The following HS6ST3 variants were observed in gnomAD, a reference collection of about 807,000 sequenced individuals.
HS6ST3 encodes the protein heparan sulfate 6-O-sulfotransferase 3.
In HS6ST3, 12 loss-of-function variants were observed where a neutral mutation model predicts 36.7. That is an observed-to-expected ratio of 0.33 (90% confidence interval 0.21 to 0.53). The LOEUF (loss-of-function observed/expected upper bound fraction) is 0.53. Among genes scored for constraint, HS6ST3 ranks in the 20% least tolerant of loss-of-function variants. The pLI is 0.95. For synonymous variants in HS6ST3, 240 were observed against 257.5 expected, an observed-to-expected ratio of 0.93 and a Z score of 0.65; for missense variants, 584 against 640.9, an observed-to-expected ratio of 0.91 and a Z score of 0.96.
chr13:96,166,567 C>CTTTTTTTTTTTTTTTTT (rs1205779954), intron 1 of HS6ST3, among the ~76,000 whole-genome samples: 1 of 143,390 alleles, frequency 7.0e-6, no homozygotes, highest in African/African-American at 2.6e-5. Flanking sequence ...TTCTTTCTTT[C>CTTTTTTTTTTTTTTTTT]TTTCTTTCTT....
At chr13:96,727,525 T>C (rs1425887463) in intron 1 of HS6ST3, among the ~76,000 whole-genome samples, 1 of 152,180 alleles carries the variant, frequency 6.6e-6, no homozygotes, top group Non-Finnish European at 1.5e-5. Context: ...AAGCCAAAAG[T>C]GCTTATTGTA....
Position 96,090,185 on chromosome 13 carries a change from G to A in HS6ST3, c.-678G>A, listed in dbSNP as rs1267189703. Among the ~76,000 whole-genome samples, 2 of 151,942 alleles carry A rather than the reference G, an allele frequency of 1.3e-5. No homozygotes were observed. The highest frequency in any genetic ancestry group is 1.5e-5 in the Non-Finnish European group (1 of 67,874). ...GTGCCTGCGCCTGGGCGGACAGCCC[G>A]GAGCGGCAGTGCGACTCGCCGGGAG... On this transcript the variant is annotated 5_prime_UTR_variant, in exon 1 of 2. Coordinates refer to ENST00000376705, the MANE Select transcript of HS6ST3 (RefSeq NM_153456.4).
intron 1 of HS6ST3, among the ~76,000 whole-genome samples, chr13:96,773,542 G>T (rs1346027853): frequency 6.6e-6 from 1 of 152,202 alleles, no homozygotes; most frequent in Non-Finnish European, 1.5e-5. Context: ...TCCCCTCACA[G>T]TGTAAACAAG....
At chr13:96,829,225 T>A (rs1878716043) in intron 1 of HS6ST3, among the ~76,000 whole-genome samples, 1 of 152,188 alleles carries the variant, frequency 6.6e-6, no homozygotes, top group African/African-American at 2.4e-5. Flanking sequence ...CCTGTCCTGA[T>A]GTGATAACAT....
intron 1 of HS6ST3, among the ~76,000 whole-genome samples, chr13:96,102,175 A>G (rs185725724): frequency 6.6e-6 from 1 of 152,336 alleles, no homozygotes; most frequent in East Asian, 1.9e-4. Flanking sequence ...GGATATTTCT[A>G]TCTGTAATAT....
intron 1 of HS6ST3, among the ~76,000 whole-genome samples, chr13:96,389,855 G>A (rs989622528): frequency 2.6e-5 from 4 of 152,096 alleles, no homozygotes; most frequent in East Asian, 1.9e-4. Context: ...ATCCTAGGCC[G>A]TTGCTTTTTC....
intron 1 of HS6ST3, among the ~76,000 whole-genome samples, chr13:96,721,898 A>G (rs1384568275): frequency 1.3e-5 from 2 of 152,202 alleles, no homozygotes; most frequent in African/African-American, 4.8e-5. Context: ...TTGACAATCA[A>G]TGATTTAGGG....
intron 1 of HS6ST3, among the ~76,000 whole-genome samples, chr13:96,823,515 T>C (rs1878581763): frequency 6.6e-6 from 1 of 152,216 alleles, no homozygotes; most frequent in Admixed American, 6.5e-5. Flanking sequence ...TTGTGCATTA[T>C]GAATTCAAAA....
chr13:96,784,341 G>T (rs534463709), intron 1 of HS6ST3, among the ~76,000 whole-genome samples: 4 of 152,134 alleles, frequency 2.6e-5, no homozygotes, highest in African/African-American at 9.6e-5. Flanking sequence ...TCAGGAATTG[G>T]GTCCTTGAGC....
intron 1 of HS6ST3, among the ~76,000 whole-genome samples, chr13:96,570,100 A>G (rs1048887673): frequency 1.3e-5 from 2 of 152,216 alleles, no homozygotes; most frequent in Non-Finnish European, 2.9e-5. Flanking sequence ...AGTGTTGTTT[A>G]TAAATAATTA....
intron 1 of HS6ST3, among the ~76,000 whole-genome samples, chr13:96,247,077 G>C (rs1474652042): frequency 6.6e-6 from 1 of 152,134 alleles, no homozygotes; most frequent in Admixed American, 6.5e-5. Flanking sequence ...GGCTGAGAGA[G>C]CTACATTGTG....
chr13:96,507,836 C>T (rs1239828477), intron 1 of HS6ST3, among the ~76,000 whole-genome samples: 1 of 152,028 alleles, frequency 6.6e-6, no homozygotes, highest in East Asian at 1.9e-4. Context: ...TTATACCATA[C>T]ACATCATTTT....
chr13:96,670,905 G>A (rs764435716), intron 1 of HS6ST3, among the ~76,000 whole-genome samples: 1 of 152,106 alleles, frequency 6.6e-6, no homozygotes, highest in African/African-American at 2.4e-5. Context: ...CTTCTTGGGG[G>A]CCTACTGCTG....
chr13:96,251,725 C>A (rs138925389), intron 1 of HS6ST3, among the ~76,000 whole-genome samples: 1 of 152,170 alleles, frequency 6.6e-6, no homozygotes, highest in African/African-American at 2.4e-5. Context: ...ACTTTTCTTG[C>A]ATCCCATAAG....
At chr13:96,225,245 G>A (rs1041264345) in intron 1 of HS6ST3, among the ~76,000 whole-genome samples, 67 of 152,204 alleles carry the variant, frequency 4.4e-4, no homozygotes, top group African/African-American at 1.6e-3. Flanking sequence ...AATTATCTGG[G>A]GTAAATAAGT....
chr13:96,827,425 C>T (rs1408355242), intron 1 of HS6ST3, among the ~76,000 whole-genome samples: 1 of 152,098 alleles, frequency 6.6e-6, no homozygotes, highest in Non-Finnish European at 1.5e-5. Context: ...GTTCTTCAAC[C>T]CTATTGGTTT....
chr13:96,112,024 G>A (rs1703745115), intron 1 of HS6ST3, among the ~76,000 whole-genome samples: 1 of 152,122 alleles, frequency 6.6e-6, no homozygotes, highest in Non-Finnish European at 1.5e-5. Context: ...AAGTGATGAG[G>A]TAGAGTTAGT....
rs1249569483 is a variant in HS6ST3, at chr13:96,254,449, ATATATATATATATATATATATATATAT to A, written c.707+162881_707+162907del. Among the ~76,000 whole-genome samples, 10 of 3,724 alleles carry A rather than the reference ATATATATATATATATATATATATATAT, an allele frequency of 2.7e-3. 1 individual carries two copies. The highest frequency in any genetic ancestry group is 5.3e-3 in the African/African-American group (6 of 1,126). The allele number at this position is 3,724 out of a possible 152,430, so 2.4% of individuals were successfully genotyped here. On this transcript the variant is annotated intron_variant, in intron 1 of 1. Coordinates refer to ENST00000376705, the MANE Select transcript of HS6ST3 (RefSeq NM_153456.4). ...AAAAAAAAAAAAAAAAAAAAAAAAA[ATATATATATATATATATATATATATAT>A]ATATATATATATATATATATATACA...
intron 1 of HS6ST3, among the ~76,000 whole-genome samples, chr13:96,556,275 C>G (rs933829996): frequency 2.0e-5 from 3 of 152,096 alleles, no homozygotes; most frequent in African/African-American, 7.2e-5. Flanking sequence ...ATTGGAATAG[C>G]TTTAGGTTTT....
Sources: gnomAD v4.1 joint callset for allele counts (sites outside exome capture counted in the v4.1 genomes callset) on GRCh38, gnomAD v4.1.1 for gene constraint, MANE v1.5 for transcripts, NCBI Gene and HGNC (gene_info 2026-07-23, HGNC 2026-07-21) for gene names.